MGST1: variants seen among roughly 807,000 people sequenced by gnomAD.
MGST1 encodes microsomal glutathione S-transferase 1, also known as glutathione S-transferase 12.
Under a neutral mutation model 8.9 loss-of-function variants are expected in MGST1, and 5 were observed. The ratio of observed to expected loss-of-function variants is 0.56; its 90% CI spans 0.29 to 1.19. The LOEUF (loss-of-function observed/expected upper bound fraction) is 1.19, where lower values mean the gene tolerates loss of function less well. Among genes scored for constraint, MGST1 ranks in the 50% most tolerant of loss-of-function variants. The pLI is 0.08. For missense variants in MGST1, 182 were observed against 187.4 expected, an observed-to-expected ratio of 0.97 and a Z score of 0.17; for synonymous variants, 54 against 67.8, an observed-to-expected ratio of 0.80 and a Z score of 1.00.
intron 4 of MGST1, among the ~76,000 whole-genome samples, chr12:16,522,005 T>C (rs1461241868): frequency 1.3e-5 from 2 of 152,178 alleles, no homozygotes; most frequent in Admixed American, 6.5e-5. Flanking sequence ...CTCCGACTTC[T>C]GAACATTTTT....
downstream of MGST1, among the ~76,000 whole-genome samples, chr12:16,369,190 C>G (rs1828929607): frequency 6.6e-6 from 1 of 152,308 alleles, no homozygotes; most frequent in African/African-American, 2.4e-5. The surrounding 1 kb of genome is among the most constrained non-coding windows in gnomAD (Gnocchi z 4.8). Context: ...TCGAGGCTTT[C>G]TGGCTGCCTG....
Position 16,402,430 on chromosome 12 carries a change from C to T in MGST1, n.778+18826C>T, listed in dbSNP as rs1052115546. The T allele has an allele frequency of 9.4e-5, 151 of 1,603,628 alleles. No homozygotes were observed. In the East Asian group the frequency reaches 1.5e-3, roughly 16 times the overall value. ...CCAGAGTCACAGCCATAGCCCTGGA[C>T]GCCGCTTCTCCTCGGGTTCTGAGAA... is the stretch of plus-strand genomic sequence containing the variant. On this transcript the variant is annotated intron_variant and non_coding_transcript_variant, in intron 1 of 1. Coordinates refer to the MGST1 transcript ENST00000359720.
rs1942348892 is a variant in MGST1, at chr12:16,560,266, G to GTCTC, written n.483-29260_483-29257dup. 1.3e-6 allele frequency: 1 copy of GTCTC among 777,182 alleles called. No individual in the cohort carries two copies. Among genetic ancestry groups the GTCTC allele is most frequent in the Non-Finnish European group, 1.9e-6 (1 of 520,960 alleles). 48.1% of individuals were successfully genotyped at this position (777,182 alleles called of 1,614,324 possible). On this transcript the variant is annotated intron_variant and non_coding_transcript_variant, in intron 4 of 4. Coordinates refer to the MGST1 transcript ENST00000538857. The surrounding 1 kb of genome is among the most constrained non-coding windows in gnomAD (Gnocchi z 5.0). ...AGACCTTTCTTCTCCTTAGTAGCTTGTCTCTGGCATGGGATTAAAGTTTAC... is the reference window on the plus strand; with the variant it reads ...AGACCTTTCTTCTCCTTAGTAGCTTGTCTCTCTCTGGCATGGGATTAAAGTTTAC...
chr12:16,399,518 T>G (rs1403504684), intron 1 of MGST1: 1 of 1,558,732 alleles, frequency 6.4e-7, no homozygotes, highest in Non-Finnish European at 8.8e-7. Context: ...AGTCTGACTC[T>G]TCTGCTTCTG....
chr12:16,462,590 A>G (rs1941229009), intron 4 of MGST1, among the ~76,000 whole-genome samples: 1 of 152,156 alleles, frequency 6.6e-6, no homozygotes, highest in Non-Finnish European at 1.5e-5. Flanking sequence ...TTGAAATTAC[A>G]AACTACAGAA....
At chr12:16,451,339 G>A (rs1941126998) in intron 4 of MGST1, among the ~76,000 whole-genome samples, 1 of 151,772 alleles carries the variant, frequency 6.6e-6, no homozygotes, top group Admixed American at 6.6e-5. Flanking sequence ...GGTATGCATA[G>A]GGGGGTTTAT....
At chr12:16,538,608 CTTTTT>C (rs35801123) in intron 4 of MGST1, among the ~76,000 whole-genome samples, 2 of 128,234 alleles carry the variant, frequency 1.6e-5, no homozygotes, top group Admixed American at 7.6e-5. Flanking sequence ...AAAGGCACTT[CTTTTT>C]TTTTTTTTTT....
At chr12:16,552,811 T>C (rs1456328375) in intron 4 of MGST1, among the ~76,000 whole-genome samples, 1 of 152,086 alleles carries the variant, frequency 6.6e-6, no homozygotes, top group East Asian at 1.9e-4. Context: ...TTCTTTGTAT[T>C]AGTTGTAACC....
intron 4 of MGST1, among the ~76,000 whole-genome samples, chr12:16,575,923 G>A (rs1319781857): frequency 6.6e-6 from 1 of 152,036 alleles, no homozygotes; most frequent in Admixed American, 6.6e-5. Context: ...TTCAATGCAC[G>A]TAGAAATGAA....
At chr12:16,472,533 G>C in intron 4 of MGST1, among the ~76,000 whole-genome samples, 1 of 151,934 alleles carries the variant, frequency 6.6e-6, no homozygotes, top group East Asian at 1.9e-4. Context: ...CTGAAAAATG[G>C]TATTAGTGGC....
rs920762010 is a variant in MGST1 at position 16,560,704 on chromosome 12, A to G, written n.483-28824A>G. The G allele has an allele frequency of 1.5e-6, 1 of 656,276 alleles. No individual in the cohort carries two copies. The highest frequency in any genetic ancestry group is 2.7e-6 in the Non-Finnish European group (1 of 376,996). The allele number at this position is 656,276 out of a possible 1,614,324, so 40.7% of individuals were successfully genotyped here. A position where few individuals can be genotyped will look rare whatever the true frequency, so the allele number is the denominator to read the frequency against. ...GTATGCATAAATATTCTTCTGCAAT[A>G]TATTCTCCGTTGACCTTCCTTGATG... On this transcript the variant is annotated intron_variant and non_coding_transcript_variant, in intron 4 of 4. Transcript: ENST00000538857. This position sits in a 1 kb window ranked among gnomAD's most constrained non-coding sequence, Gnocchi z 5.0.
chr12:16,530,985 C>T (rs1941719080), intron 4 of MGST1, among the ~76,000 whole-genome samples: 1 of 151,772 alleles, frequency 6.6e-6, no homozygotes, highest in South Asian at 2.1e-4. Context: ...TTAGGCATGT[C>T]AGGAAACGGC....
downstream of MGST1, among the ~76,000 whole-genome samples, chr12:16,379,985 G>T (rs1344185944): frequency 6.6e-6 from 1 of 152,110 alleles, no homozygotes; most frequent in African/African-American, 2.4e-5. Flanking sequence ...TGTGGGATCG[G>T]TGGTGATATC....
downstream of MGST1, among the ~76,000 whole-genome samples, chr12:16,365,740 C>T (rs1170012495): frequency 5.9e-5 from 7 of 118,086 alleles, no homozygotes; most frequent in Middle Eastern, 4.6e-3. Context: ...CACGCGTGCA[C>T]GCGCACACAC....
At chr12:16,400,110 C>A (rs547301632) in intron 1 of MGST1, 1,055 of 1,558,788 alleles carry the variant, frequency 6.8e-4, no homozygotes, top group Non-Finnish European at 8.9e-4. Flanking sequence ...TCAGTTTGTG[C>A]CTCATTTCTC....
At chr12:16,391,077 C>A (rs1940548006) in intron 1 of MGST1, among the ~76,000 whole-genome samples, 1 of 150,618 alleles carries the variant, frequency 6.6e-6, no homozygotes, top group African/African-American at 2.4e-5. Context: ...GAACTTTTTT[C>A]ATATGCTTGT....
chr12:16,385,260 GAA>G (rs1194369580), intron 1 of MGST1, among the ~76,000 whole-genome samples: 3 of 152,168 alleles, frequency 2.0e-5, no homozygotes, highest in African/African-American at 7.2e-5. Flanking sequence ...ATTTTAATAA[GAA>G]ATAGTTTGAA....
chr12:16,486,852 A>C (rs546414031), intron 4 of MGST1, among the ~76,000 whole-genome samples: 4 of 151,284 alleles, frequency 2.6e-5, no homozygotes, highest in Non-Finnish European at 5.9e-5. Flanking sequence ...TAAGGTGGAC[A>C]AAAAACAGTG....
chr12:16,487,880 G>C (rs1337821136), intron 4 of MGST1, among the ~76,000 whole-genome samples: 4 of 152,074 alleles, frequency 2.6e-5, no homozygotes, highest in Non-Finnish European at 5.9e-5. Context: ...GTGGGCTTAA[G>C]TATATTATTT....
Sources: allele counts gnomAD v4.1 joint callset (sites outside exome capture counted in the v4.1 genomes callset), GRCh38; gene constraint gnomAD v4.1.1; non-coding constraint Gnocchi (gnomAD v3.1); transcripts MANE v1.5; gene names NCBI Gene and HGNC (gene_info 2026-07-23, HGNC 2026-07-21).